Variants in TYR observed in about 807,000 individuals in gnomAD.
TYR encodes tyrosinase.
A neutral mutation model predicts 51.5 loss-of-function variants in TYR; 58 were observed. The observed-to-expected ratio is 1.13, with a 90% CI of 0.91 to 1.40. TYR has a LOEUF of 1.40. Among genes scored for constraint, TYR ranks in the 40% most tolerant of loss-of-function variants. TYR has a pLI of 0.00. For missense variants in TYR, 732 were observed against 647.4 expected, an observed-to-expected ratio of 1.13 and a Z score of -1.42; for synonymous variants, 263 against 235.2, an observed-to-expected ratio of 1.12 and a Z score of -1.08.
intron 3 of TYR, among the ~76,000 whole-genome samples, chr11:89,258,339 AT>A (rs962952633): frequency 1.1e-4 from 16 of 149,160 alleles, no homozygotes; most frequent in East Asian, 5.9e-4. Flanking sequence ...AAGAAAATTG[AT>A]TTTTTTTTTG....
chr11:89,202,098 ATGTG>A (rs66603084), intron 2 of TYR, among the ~76,000 whole-genome samples: 13 of 151,908 alleles, frequency 8.6e-5, no homozygotes, highest in African/African-American at 3.1e-4. Context: ...TTATATATAT[ATGTG>A]TGTGTGTGGA....
chr11:89,229,566 AAAG>A (rs1944019225), intron 3 of TYR, among the ~76,000 whole-genome samples: 3 of 151,766 alleles, frequency 2.0e-5, no homozygotes, highest in Admixed American at 6.6e-5. Flanking sequence ...AGGCAAAAAA[AAAG>A]AAAAAGAAAA....
Position 89,295,130 on chromosome 11 carries a change from C to T in TYR, c.1367-13C>T. 6.2e-7 allele frequency: 1 copy of T among 1,613,566 alleles called. No individual in the cohort carries two copies. Among genetic ancestry groups the T allele is most frequent in the African/African-American group, 1.3e-5 (1 of 75,028 alleles). On this transcript the variant is annotated splice_polypyrimidine_tract_variant and intron_variant, in intron 4 of 4. Coordinates refer to ENST00000263321, the MANE Select transcript of TYR (RefSeq NM_000372.5). ...GGTAACAATAAAAACAATGGGATGT[C>T]TTTTTATTTCAGACCCAGACTCTTT...
intron 2 of TYR, among the ~76,000 whole-genome samples, chr11:89,209,150 G>A (rs917362146): frequency 1.3e-5 from 2 of 152,226 alleles, no homozygotes; most frequent in African/African-American, 4.8e-5. Flanking sequence ...CCTCATCTGG[G>A]AAGCACAAGG....
At chr11:89,194,365 C>T (rs921561224) in intron 2 of TYR, among the ~76,000 whole-genome samples, 1 of 152,188 alleles carries the variant, frequency 6.6e-6, no homozygotes, top group Non-Finnish European at 1.5e-5. Flanking sequence ...GATGGTGTCA[C>T]ATCTGGAGGC....
intron 2 of TYR, among the ~76,000 whole-genome samples, chr11:89,194,232 TTCC>T (rs1231423324): frequency 6.6e-6 from 1 of 152,180 alleles, no homozygotes; most frequent in Non-Finnish European, 1.5e-5. Context: ...GTTCCTCCTC[TTCC>T]TCCTCATTTT....
intron 3 of TYR, among the ~76,000 whole-genome samples, chr11:89,232,079 A>G (rs763813192): frequency 7.0e-6 from 1 of 143,348 alleles, no homozygotes; most frequent in Non-Finnish European, 1.5e-5. Context: ...ATTGCTAAGA[A>G]AGTAGATTTT....
At chr11:89,244,421 G>C (rs1944238636) in intron 3 of TYR, among the ~76,000 whole-genome samples, 1 of 152,096 alleles carries the variant, frequency 6.6e-6, no homozygotes, top group Non-Finnish European at 1.5e-5. Flanking sequence ...CTTATGGCGA[G>C]AACCATGTAT....
chr11:89,202,051 T>C (rs1803036205), intron 2 of TYR, among the ~76,000 whole-genome samples: 3 of 152,106 alleles, frequency 2.0e-5, no homozygotes, highest in African/African-American at 7.2e-5. Flanking sequence ...GGGGTGTTTA[T>C]GACCTCCAGT....
chr11:89,274,556 T>A (rs1208063677), intron 3 of TYR, among the ~76,000 whole-genome samples: 1 of 151,906 alleles, frequency 6.6e-6, no homozygotes, highest in African/African-American at 2.4e-5. Context: ...CTCATTTATG[T>A]CTTACAGCTC....
chr11:89,206,264 C>A (rs141018450), intron 2 of TYR, among the ~76,000 whole-genome samples: 64 of 152,042 alleles, frequency 4.2e-4, no homozygotes, highest in African/African-American at 1.5e-3. Context: ...AGGAAATTCA[C>A]TTTAGATATA....
At chr11:89,289,097 G>A (rs1045365107) in intron 4 of TYR, among the ~76,000 whole-genome samples, 11 of 151,892 alleles carry the variant, frequency 7.2e-5, no homozygotes, top group Admixed American at 7.2e-4. Flanking sequence ...ATTTACAAGG[G>A]GAGGCCAAAA....
chr11:89,278,298 T>C (rs760381625), intron 3 of TYR, among the ~76,000 whole-genome samples: 8 of 151,712 alleles, frequency 5.3e-5, no homozygotes, highest in Non-Finnish European at 7.4e-5. Flanking sequence ...TGCCAGTCCA[T>C]AACTATAGGT....
chr11:89,180,045 A>G (rs770117096), intron 1 of TYR, among the ~76,000 whole-genome samples: 2 of 152,144 alleles, frequency 1.3e-5, no homozygotes, highest in African/African-American at 4.8e-5. Context: ...CCCCATCCCA[A>G]TGGAGTCTAC....
At chr11:89,272,461 A>T (rs1198695072) in intron 3 of TYR, among the ~76,000 whole-genome samples, 1 of 151,824 alleles carries the variant, frequency 6.6e-6, no homozygotes, top group East Asian at 2.0e-4. Flanking sequence ...CATGGTATAA[A>T]CAGATGTGCT....
intron 3 of TYR, among the ~76,000 whole-genome samples, chr11:89,274,108 G>A (rs1223558650): frequency 6.6e-6 from 1 of 151,862 alleles, no homozygotes; most frequent in East Asian, 1.9e-4. Flanking sequence ...AAAGAAGAGT[G>A]GAGCACATGA....
At chr11:89,224,277 A>C (rs1264024446) in intron 2 of TYR, among the ~76,000 whole-genome samples, 1 of 152,194 alleles carries the variant, frequency 6.6e-6, no homozygotes, top group Non-Finnish European at 1.5e-5. Context: ...ACTTTGCACC[A>C]GATCTGTACT....
chr11:89,197,784 C>T (rs1031976093), intron 2 of TYR, among the ~76,000 whole-genome samples: 8 of 151,984 alleles, frequency 5.3e-5, no homozygotes, highest in Non-Finnish European at 1.0e-4. Context: ...ATGATTCTGA[C>T]ACATCTGTGA....
At chr11:89,217,600 A>T (rs570606795) in intron 2 of TYR, among the ~76,000 whole-genome samples, 13 of 152,174 alleles carry the variant, frequency 8.5e-5, no homozygotes, top group Non-Finnish European at 1.8e-4. Context: ...CCAGGAGTTA[A>T]GGGAAAGTGG....
Sources: gnomAD v4.1 joint callset for allele counts (sites outside exome capture counted in the v4.1 genomes callset) on GRCh38, gnomAD v4.1.1 for gene constraint, MANE v1.5 for transcripts, NCBI Gene and HGNC (gene_info 2026-07-23, HGNC 2026-07-21) for gene names.